The following HPSE2 variants were observed in gnomAD, a reference collection of about 807,000 sequenced individuals.
HPSE2 encodes heparanase 2 (inactive).
HPSE2 carries 38 observed loss-of-function variants against 60.5 expected under a neutral mutation model. That is an observed-to-expected ratio of 0.63 (90% CI 0.48 to 0.82). The LOEUF (loss-of-function observed/expected upper bound fraction) is 0.82. Among genes scored for constraint, HPSE2 ranks in the 40% least tolerant of loss-of-function variants. The pLI, the probability that HPSE2 is intolerant of heterozygous loss-of-function variation, is 0.00. For synonymous variants in HPSE2, 295 were observed against 293.2 expected (o/e 1.01, Z -0.06); for missense variants, 713 against 740.4 (o/e 0.96, Z 0.43).
intron 11 of HPSE2, among the ~76,000 whole-genome samples, 196 bp downstream of exon 11, chr10:98,482,440 G>T (rs1941273128): frequency 6.6e-6 from 1 of 152,256 alleles, no homozygotes; most frequent in Non-Finnish European, 1.5e-5. Context: ...CTTTACAACT[G>T]GGGAATCTAA....
At chr10:98,865,127 G>T (rs2134798464) in intron 3 of HPSE2, among the ~76,000 whole-genome samples, 1 of 152,174 alleles carries the variant, frequency 6.6e-6, no homozygotes, top group East Asian at 1.9e-4. Context: ...CATACTCCTA[G>T]TTAGGAGAGG....
intron 3 of HPSE2, among the ~76,000 whole-genome samples, chr10:98,788,918 G>A (rs1303070290): frequency 2.0e-5 from 3 of 152,112 alleles, no homozygotes; most frequent in African/African-American, 7.2e-5. Flanking sequence ...CGTCGCTCAC[G>A]CTGGGAGCTG....
chr10:98,655,834 A>G (rs1947046467), intron 6 of HPSE2, among the ~76,000 whole-genome samples: 1 of 152,154 alleles, frequency 6.6e-6, no homozygotes, highest in Admixed American at 6.5e-5. Flanking sequence ...TGTGATACAC[A>G]TGTGTCATTT....
the HPSE2 span, among the ~76,000 whole-genome samples, chr10:99,245,809 G>T: frequency 6.6e-6 from 1 of 152,252 alleles, no homozygotes; most frequent in African/African-American, 2.4e-5. Flanking sequence ...TTGCAAAAAG[G>T]CCATTAAAAC....
chr10:98,555,931 C>T (rs896880414), intron 9 of HPSE2, among the ~76,000 whole-genome samples: 3 of 152,094 alleles, frequency 2.0e-5, no homozygotes, highest in Non-Finnish European at 4.4e-5. Context: ...AATAAAGAGT[C>T]CTGAAAACTG....
At chr10:99,035,621 T>C (rs537974497) in intron 3 of HPSE2, among the ~76,000 whole-genome samples, 1 of 152,364 alleles carries the variant, frequency 6.6e-6, no homozygotes, top group South Asian at 2.1e-4. Context: ...GTGCTAGCTA[T>C]ACTTTTATAC....
At chr10:98,960,483 A>G (rs1955624816) in intron 3 of HPSE2, among the ~76,000 whole-genome samples, 1 of 152,130 alleles carries the variant, frequency 6.6e-6, no homozygotes, top group Admixed American at 6.6e-5. Flanking sequence ...CAAGAATAAA[A>G]TTGTATGCAG....
chr10:99,205,370 T>C (rs905538114), intron 2 of HPSE2, among the ~76,000 whole-genome samples: 3 of 152,010 alleles, frequency 2.0e-5, no homozygotes, highest in Non-Finnish European at 4.4e-5. Flanking sequence ...GAGTGGATCA[T>C]GAGGTCAGGA....
intron 2 of HPSE2, among the ~76,000 whole-genome samples, chr10:99,156,893 T>G (rs1002085158): frequency 2.3e-4 from 24 of 105,816 alleles, no homozygotes; most frequent in African/African-American, 6.3e-4. Flanking sequence ...GATAAGCAAC[T>G]TCAGCAAAGT....
intron 9 of HPSE2, among the ~76,000 whole-genome samples, chr10:98,600,881 A>G (rs1326355102): frequency 6.7e-5 from 9 of 133,380 alleles, no homozygotes; most frequent in African/African-American, 2.2e-4. Flanking sequence ...ATATGTATAT[A>G]TACATATATA....
chr10:98,984,422 G>T (rs1956285978), intron 3 of HPSE2, among the ~76,000 whole-genome samples: 3 of 152,346 alleles, frequency 2.0e-5, no homozygotes, highest in African/African-American at 7.2e-5. Context: ...CAGAACTGCA[G>T]CTGAGGGTCC....
chr10:99,307,830 GCGCACACACACACA>G, the HPSE2 span, among the ~76,000 whole-genome samples: 3 of 141,022 alleles, frequency 2.1e-5, no homozygotes, highest in African/African-American at 5.5e-5. Flanking sequence ...CCTAGTAAAT[GCGCACACACACACA>G]CACACACACA....
intron 3 of HPSE2, among the ~76,000 whole-genome samples, chr10:98,849,777 G>A (rs1386235728): frequency 2.0e-5 from 3 of 151,832 alleles, no homozygotes; most frequent in Admixed American, 6.6e-5. Context: ...ACGGAGTCTC[G>A]CTCTGTCGCC....
chr10:98,606,524 GACA>G (rs1408000087), intron 9 of HPSE2, among the ~76,000 whole-genome samples: 1 of 152,194 alleles, frequency 6.6e-6, no homozygotes, highest in East Asian at 1.9e-4. Context: ...TAAGGATTGT[GACA>G]ACAAGACGAG....
chr10:98,538,853 G>A (rs1943370616), intron 9 of HPSE2, among the ~76,000 whole-genome samples: 1 of 152,158 alleles, frequency 6.6e-6, no homozygotes, highest in African/African-American at 2.4e-5. Context: ...GCCCTTCAGG[G>A]ATACAAGTGA....
intron 2 of HPSE2, 88 bp downstream of exon 2, chr10:99,232,258 AAC>A: frequency 1.7e-6 from 2 of 1,211,418 alleles, no homozygotes; most frequent in Non-Finnish European, 2.3e-6. Flanking sequence ...CACACACACG[AAC>A]ACACAGACAC....
At chr10:98,531,015 A>G (rs75983924) in intron 9 of HPSE2, among the ~76,000 whole-genome samples, 4,843 of 152,182 alleles carry the variant, frequency 0.032, 147 homozygotes, top group African/African-American at 0.083. Context: ...TCTTCCCTCA[A>G]TATTAACTGA....
At chr10:99,242,549 A>C in the HPSE2 span, among the ~76,000 whole-genome samples, 1 of 152,308 alleles carries the variant, frequency 6.6e-6, no homozygotes, top group East Asian at 1.9e-4. Flanking sequence ...AACTAACAGA[A>C]AAGCAGATTA....
chr10:98,682,970 G>A (rs1399860751), intron 6 of HPSE2, among the ~76,000 whole-genome samples: 1 of 152,160 alleles, frequency 6.6e-6, no homozygotes, highest in Non-Finnish European at 1.5e-5. Flanking sequence ...AGGATTATGT[G>A]AAAGGCTATA....
Sources: gnomAD v4.1 joint callset for allele counts (sites outside exome capture counted in the v4.1 genomes callset) on GRCh38, gnomAD v4.1.1 for gene constraint, MANE v1.5 for transcripts, NCBI Gene and HGNC (gene_info 2026-07-23, HGNC 2026-07-21) for gene names.